PRKG1: variants seen among roughly 807,000 people sequenced by gnomAD.
PRKG1 encodes the protein protein kinase cGMP-dependent 1, also known as cGMP-dependent protein kinase 1.
In PRKG1, 35 loss-of-function variants were observed where a neutral mutation model predicts 88.1. That is an observed-to-expected ratio of 0.40 (90% CI 0.30 to 0.53). PRKG1 has a LOEUF of 0.53. Ranked by LOEUF, PRKG1 falls within the 20% of genes least tolerant of loss-of-function variation. PRKG1 has a pLI of 0.59. For missense variants in PRKG1, 540 were observed against 839.8 expected, an observed-to-expected ratio of 0.64 and a Z score of 4.41; for synonymous variants, 303 against 292.5, an observed-to-expected ratio of 1.04 and a Z score of -0.37.
intron 17 of PRKG1, among the ~76,000 whole-genome samples, chr10:52,292,119 T>C (rs1423339468): frequency 6.6e-6 from 1 of 152,144 alleles, no homozygotes; most frequent in Non-Finnish European, 1.5e-5. Flanking sequence ...TTTGTTTTTT[T>C]TCTTGTAAAT....
chr10:50,994,558 G>T (rs778001744), intron 1 of PRKG1, among the ~76,000 whole-genome samples: 3 of 151,826 alleles, frequency 2.0e-5, no homozygotes, highest in Non-Finnish European at 2.9e-5. Context: ...CCTGTTTTTT[G>T]TAAAAGGCTG....
At chr10:51,691,629 T>C (rs73343306) in intron 3 of PRKG1, among the ~76,000 whole-genome samples, 3,100 of 152,292 alleles carry the variant, frequency 0.02, 124 homozygotes, top group African/African-American at 0.07. Flanking sequence ...AGCAAGTTTT[T>C]CTATGCTACA....
At chr10:51,281,782 A>ATATAACATTTATAT (rs1343319676) in intron 2 of PRKG1, among the ~76,000 whole-genome samples, 255 of 152,228 alleles carry the variant, frequency 1.7e-3, no homozygotes, top group African/African-American at 5.8e-3. Context: ...AATGTTATGG[A>ATATAACATTTATAT]CCAGATTGTG....
In PRKG1 at chr10:51,205,604, C is replaced by T. The variant is rs537876437; in HGVS notation, c.478+52274C>T. Reference sequence around the variant, plus strand: ...TAGCTGGAGTGCAGTGGTACAGTCTCGGCTCACTGCCACCTCTGCCTCCAG... The same window carrying T: ...TAGCTGGAGTGCAGTGGTACAGTCTTGGCTCACTGCCACCTCTGCCTCCAG... On this transcript the variant is annotated intron_variant, in intron 2 of 17. Coordinates refer to ENST00000373980, the MANE Select transcript of PRKG1 (RefSeq NM_006258.4). 1.8e-3 allele frequency among the ~76,000 whole-genome samples: 274 copies of T among 151,510 alleles called. 4 individuals are homozygous for T. The highest frequency in any genetic ancestry group is 3.9e-4 in the East Asian group (2 of 5,090).
intron 4 of PRKG1, among the ~76,000 whole-genome samples, chr10:51,873,197 G>T (rs1011454969): frequency 1.4e-4 from 22 of 152,046 alleles, no homozygotes; most frequent in African/African-American, 4.8e-4. Context: ...GATTTGTGAT[G>T]TTACAGGATT....
intron 5 of PRKG1, among the ~76,000 whole-genome samples, chr10:51,943,104 T>A (rs1842946871): frequency 6.6e-6 from 1 of 152,078 alleles, no homozygotes; most frequent in African/African-American, 2.4e-5. Flanking sequence ...GTTCTTCCAT[T>A]TGTTTGTATC....
At chr10:51,621,308 T>C (rs1186458938) in intron 3 of PRKG1, among the ~76,000 whole-genome samples, 1 of 129,912 alleles carries the variant, frequency 7.7e-6, no homozygotes, top group East Asian at 2.3e-4. Context: ...CTCAAATTTC[T>C]TAGTTTCCAG....
intron 2 of PRKG1, among the ~76,000 whole-genome samples, chr10:51,331,899 G>T (rs1419701354): frequency 1.3e-5 from 2 of 152,170 alleles, no homozygotes; most frequent in Non-Finnish European, 2.9e-5. Flanking sequence ...GAATAATCCT[G>T]AAGGGGAGCA....
At chr10:52,133,797 T>C (rs753696468) in intron 7 of PRKG1, 43 bp from the exon 8 acceptor site, 2 of 1,509,246 alleles carry the variant, frequency 1.3e-6, no homozygotes, top group Middle Eastern at 1.7e-4. Context: ...TGTGCTTTGA[T>C]ATTAAAGGTT....
chr10:51,851,340 T>G (rs920306478), intron 4 of PRKG1, among the ~76,000 whole-genome samples: 1 of 151,830 alleles, frequency 6.6e-6, no homozygotes, highest in Non-Finnish European at 1.5e-5. Context: ...ACAAGTGGAG[T>G]TTGTGGGTGG....
chr10:51,343,576 A>C (rs112560594), intron 2 of PRKG1, among the ~76,000 whole-genome samples: 383 of 152,290 alleles, frequency 2.5e-3, no homozygotes, highest in African/African-American at 8.6e-3. Context: ...AATTTGGTAG[A>C]TATATTACTG....
chr10:51,539,241 G>A (rs1171302174), intron 3 of PRKG1, among the ~76,000 whole-genome samples: 2 of 151,932 alleles, frequency 1.3e-5, no homozygotes, highest in Admixed American at 6.6e-5. Context: ...TCATTTATTT[G>A]TTTCATTGTA....
chr10:51,326,445 A>T lies in PRKG1; in HGVS notation c.479-141278A>T, dbSNP rs533640040. 5.9e-5 allele frequency among the ~76,000 whole-genome samples: 9 copies of T among 152,346 alleles called. No individual in the cohort carries two copies. In the East Asian group the frequency reaches 1.7e-3, roughly 29 times the overall value. ...TTCTGAAAATTATGATGATAGGAGT[A>T]AATAAGTTTCTGGGACATAATGACA... On this transcript the variant is annotated intron_variant, in intron 2 of 17. Coordinates refer to ENST00000373980, the MANE Select transcript of PRKG1 (RefSeq NM_006258.4).
At chr10:51,641,352 C>T (rs551793239) in intron 3 of PRKG1, among the ~76,000 whole-genome samples, 1 of 152,212 alleles carries the variant, frequency 6.6e-6, no homozygotes, top group East Asian at 1.9e-4. Flanking sequence ...GACTAGTGGG[C>T]TGTTCACATC....
chr10:51,528,250 T>A (rs1460307136), intron 3 of PRKG1, among the ~76,000 whole-genome samples: 1 of 152,174 alleles, frequency 6.6e-6, no homozygotes, highest in East Asian at 1.9e-4. Context: ...TAACAAATAA[T>A]CCTGATTTTT....
chr10:51,788,499 G>A (rs777998597), intron 3 of PRKG1, among the ~76,000 whole-genome samples: 5 of 152,100 alleles, frequency 3.3e-5, no homozygotes, highest in African/African-American at 4.8e-5. Context: ...TTTTTTCCCA[G>A]AATTCTGCCA....
intron 4 of PRKG1, among the ~76,000 whole-genome samples, chr10:51,835,882 T>C (rs1026710291): frequency 6.6e-6 from 1 of 152,192 alleles, no homozygotes; most frequent in Admixed American, 6.6e-5. Context: ...CTTCACATCC[T>C]CACTGATACT....
At chr10:51,628,892 G>C (rs1328902489) in intron 3 of PRKG1, among the ~76,000 whole-genome samples, 1 of 150,592 alleles carries the variant, frequency 6.6e-6, no homozygotes, top group Non-Finnish European at 1.5e-5. Flanking sequence ...CCGGGAAGCG[G>C]AGCTTGCAGT....
At chr10:52,109,712 G>A (rs1036356077) in intron 7 of PRKG1, among the ~76,000 whole-genome samples, 2 of 146,464 alleles carry the variant, frequency 1.4e-5, no homozygotes, top group Non-Finnish European at 3.0e-5. Flanking sequence ...GCAGTGAGAC[G>A]ACATCACGCC....
Sources: gnomAD v4.1 joint callset for allele counts (sites outside exome capture counted in the v4.1 genomes callset) on GRCh38, gnomAD v4.1.1 for gene constraint, MANE v1.5 for transcripts, NCBI Gene and HGNC (gene_info 2026-07-23, HGNC 2026-07-21) for gene names.